AOX1: variants seen among roughly 807,000 people sequenced by gnomAD.
AOX1 encodes aldehyde oxidase 1.
A neutral mutation model predicts 169.5 loss-of-function variants in AOX1; 153 were observed. The observed-to-expected ratio is 0.90, with a 90% CI of 0.79 to 1.03. AOX1 has a LOEUF of 1.03. Among genes scored for constraint, AOX1 ranks in the 50% least tolerant of loss-of-function variants. The probability of loss-of-function intolerance (pLI) is 0.00; values close to 1 mark genes in which losing one functional copy is unlikely to be tolerated. For missense variants in AOX1, 1,656 were observed against 1,663.9 expected, an observed-to-expected ratio of 1.00 and a Z score of 0.08; for synonymous variants, 562 against 581.9, an observed-to-expected ratio of 0.97 and a Z score of 0.49.
rs530858938 is a variant in AOX1 at position 200,642,942 on chromosome 2, G to A, written c.2847+141G>A. On this transcript the variant is annotated intron_variant, in intron 25 of 34. Coordinates refer to ENST00000374700, the MANE Select transcript of AOX1 (RefSeq NM_001159.4). ...AGTCCCCCAGCTAACTGGTTAATGC[G>A]GAGCCCAGACTCCAAAGTTCAGCAA... is the stretch of plus-strand genomic sequence containing the variant. 34 of 794,894 alleles carry A rather than the reference G, an allele frequency of 4.3e-5. No homozygotes were observed. The East Asian group carries it at 5.4e-4, about 13-fold the overall frequency. 49.2% of individuals were successfully genotyped at this position (794,894 alleles called of 1,614,324 possible). A position where few individuals can be genotyped will look rare whatever the true frequency, so the allele number is the denominator to read the frequency against.
At chr2:200,667,186 G>T (rs1227919580) in intron 32 of AOX1, among the ~76,000 whole-genome samples, 1 of 152,196 alleles carries the variant, frequency 6.6e-6, no homozygotes, top group Non-Finnish European at 1.5e-5. Flanking sequence ...TCCACCCACA[G>T]ACATTTTCAA....
intron 4 of AOX1, 126 bp downstream of exon 4, chr2:200,597,631 T>C (rs1198004001): frequency 1.0e-5 from 5 of 500,130 alleles, no homozygotes; most frequent in Non-Finnish European, 1.7e-5. Flanking sequence ...AGATACAACC[T>C]AGCTGGGAAC....
At chr2:200,648,946 C>T (rs553102418) in intron 25 of AOX1, among the ~76,000 whole-genome samples, 2 of 152,194 alleles carry the variant, frequency 1.3e-5, no homozygotes, top group African/African-American at 4.8e-5. Context: ...GTGTACCCCC[C>T]AACAGCCCTG....
At chr2:200,618,092 C>T (rs2034804640) in intron 16 of AOX1, among the ~76,000 whole-genome samples, 1 of 152,188 alleles carries the variant, frequency 6.6e-6, no homozygotes, top group Non-Finnish European at 1.5e-5. Flanking sequence ...GTAAACTTTT[C>T]TCTCATTTTC....
chr2:200,643,244 A>G (rs2035390244), intron 25 of AOX1, among the ~76,000 whole-genome samples: 1 of 144,666 alleles, frequency 6.9e-6, no homozygotes, highest in African/African-American at 2.6e-5. Context: ...ATTTATTTCC[A>G]TAAGTTATTG....
chr2:200,618,421 CAT>C (rs1412847276), intron 16 of AOX1, among the ~76,000 whole-genome samples: 15 of 152,200 alleles, frequency 9.9e-5, no homozygotes, highest in East Asian at 5.8e-4. Flanking sequence ...ATCCTACACA[CAT>C]GTCTTATACC....
At chr2:200,654,002 A>G (rs763675732) in intron 26 of AOX1, among the ~76,000 whole-genome samples, 3 of 151,782 alleles carry the variant, frequency 2.0e-5, no homozygotes, top group East Asian at 1.9e-4. Context: ...TTCTTCCCCC[A>G]TTTCTCTCCC....
chr2:200,663,570 A>C (rs577416511), intron 31 of AOX1, among the ~76,000 whole-genome samples: 1 of 123,642 alleles, frequency 8.1e-6, no homozygotes, highest in Non-Finnish European at 1.7e-5. Context: ...ACACACACAC[A>C]CACTCTCTCT....
intron 25 of AOX1, among the ~76,000 whole-genome samples, chr2:200,645,989 A>G (rs1196864133): frequency 6.6e-5 from 10 of 152,088 alleles, no homozygotes; most frequent in East Asian, 3.8e-4. Context: ...CGGTCTATCA[A>G]TTTTATTTAT....
intron 28 of AOX1, among the ~76,000 whole-genome samples, 165 bp downstream of exon 28, chr2:200,659,458 G>T (rs1250036261): frequency 6.6e-6 from 1 of 152,174 alleles, no homozygotes; most frequent in Non-Finnish European, 1.5e-5. Flanking sequence ...TGCTGGAAAT[G>T]CCACCTCTTT....
chr2:200,680,929 G>A (rs530784172), downstream of AOX1, among the ~76,000 whole-genome samples: 3 of 152,182 alleles, frequency 2.0e-5, no homozygotes, highest in Non-Finnish European at 4.4e-5. Context: ...GAAAACGCCA[G>A]TTACCCTCCC....
chr2:200,610,821 G>C (rs1394865700), intron 12 of AOX1, among the ~76,000 whole-genome samples: 6 of 152,184 alleles, frequency 3.9e-5, no homozygotes, highest in Admixed American at 2.6e-4. Context: ...TACTCTGTGA[G>C]ATCTTTTCAT....
At chr2:200,669,183 C>T (rs1376394285) in intron 33 of AOX1, among the ~76,000 whole-genome samples, 1 of 152,154 alleles carries the variant, frequency 6.6e-6, no homozygotes, top group Admixed American at 6.5e-5. Flanking sequence ...GTGGCTCATG[C>T]CTATAATCCA....
chr2:200,669,699 C>T lies in AOX1; in HGVS notation c.3923C>T (p.Pro1308Leu), dbSNP rs777068170. 1.7e-5 allele frequency: 28 copies of T among 1,613,476 alleles called. No individual in the cohort carries two copies. Among genetic ancestry groups the T allele is most frequent in the Middle Eastern group, 1.6e-4 (1 of 6,080 alleles). The change falls in exon 34 of 35, where the codon CCG becomes CTG. Residue 1308 changes from proline to leucine, a missense_variant. Physicochemically the swap from Pro to Leu is moderately conservative, Grantham distance 98 (BLOSUM62 -3). Transcript: ENST00000374700. ...TTGACCCTTAATAGTCCACTGACCCCGGAGAAGATTAGGATGGCCTGTGAA... is the reference window on the plus strand; with the variant it reads ...TTGACCCTTAATAGTCCACTGACCCTGGAGAAGATTAGGATGGCCTGTGAA... ...GPLTLNSPLT[P>L]EKIRMACEDK...
chr2:200,668,798 T>A lies in AOX1; in HGVS notation c.3793T>A (p.Ser1265Thr). 1.2e-6 allele frequency: 2 copies of A among 1,613,874 alleles called. No homozygotes were observed. Among genetic ancestry groups the A allele is most frequent in the Admixed American group, 3.3e-5 (2 of 60,002 alleles). The change falls in exon 33 of 35, where the codon TCT becomes ACT. Residue 1265 changes from serine (S) to threonine (T), a missense_variant. Coordinates refer to ENST00000374700, the MANE Select transcript of AOX1 (RefSeq NM_001159.4). ...PSQNSNTLYS[S>T]KGLGESGVFL... is the part of the protein sequence containing the mutation. ...TCAAAACTCAAATACTCTTTATTCA[T>A]CTAAGGTAAGTAATGTTCTATGGGT...
chr2:200,586,035 G>A lies in AOX1; in HGVS notation c.-74G>A, dbSNP rs898382957. ...CCCCACTCGGCGGGTCGGTGCCGCC[G>A]GGTCCCAGGTGCCCGCTACTTCCCA... On this transcript the variant is annotated 5_prime_UTR_variant, in exon 1 of 35. Transcript: ENST00000374700. 23 of 1,524,170 alleles carry A rather than the reference G, an allele frequency of 1.5e-5. No individual in the cohort carries two copies. The highest frequency in any genetic ancestry group is 4.6e-4 in the Middle Eastern group (2 of 4,356). 94.4% of individuals were successfully genotyped at this position (1,524,170 alleles called of 1,614,324 possible).
chr2:200,637,790 T>C (rs751458412), intron 22 of AOX1, among the ~76,000 whole-genome samples: 8 of 152,180 alleles, frequency 5.3e-5, no homozygotes, highest in Non-Finnish European at 1.0e-4. Flanking sequence ...TGCTGAGTAA[T>C]ATGGGTCAGT....
At chr2:200,604,426 A>G (rs2293528) in intron 8 of AOX1, among the ~76,000 whole-genome samples, 53,608 of 152,102 alleles carry the variant, frequency 0.35, 9,545 homozygotes, top group East Asian at 0.44. Context: ...AAGATTCAGC[A>G]TGTTACTATA....
intron 33 of AOX1, among the ~76,000 whole-genome samples, chr2:200,669,215 G>A (rs1010699704): frequency 5.9e-5 from 9 of 152,114 alleles, no homozygotes; most frequent in Non-Finnish European, 1.2e-4. Flanking sequence ...AGGCCAAGGC[G>A]GGCAGATCAC....
Sources: allele counts gnomAD v4.1 joint callset (sites outside exome capture counted in the v4.1 genomes callset), GRCh38; gene constraint gnomAD v4.1.1; transcripts MANE v1.5; gene names NCBI Gene and HGNC (gene_info 2026-07-23, HGNC 2026-07-21).